GALNT13: variants seen among roughly 807,000 people sequenced by gnomAD.
GALNT13 encodes the protein polypeptide N-acetylgalactosaminyltransferase 13, also known as UDP-GalNAc:polypeptide N-acetylgalactosaminyltransferase 13.
A neutral mutation model predicts 64.2 loss-of-function variants in GALNT13; 28 were observed. The ratio of observed to expected loss-of-function variants is 0.44; its 90% confidence interval spans 0.32 to 0.60. The LOEUF is 0.60. Ranked by LOEUF, GALNT13 falls within the 20% of genes least tolerant of loss-of-function variation. The pLI is 0.05. For missense variants in GALNT13, 577 were observed against 669.8 expected, an observed-to-expected ratio of 0.86 and a Z score of 1.53; for synonymous variants, 214 against 224.6, an observed-to-expected ratio of 0.95 and a Z score of 0.42.
At chr2:154,103,126 C>T (rs1425520619) in intron 3 of GALNT13, among the ~76,000 whole-genome samples, 1 of 151,430 alleles carries the variant, frequency 6.6e-6, no homozygotes, top group African/African-American at 2.4e-5. Flanking sequence ...TCTTATTATC[C>T]CTCAGGAATG....
the GALNT13 span, among the ~76,000 whole-genome samples, chr2:153,800,778 C>T: frequency 6.6e-6 from 1 of 152,110 alleles, no homozygotes; most frequent in Non-Finnish European, 1.5e-5. Context: ...AAAGTCTACT[C>T]CTAATTCTAC....
the GALNT13 span, among the ~76,000 whole-genome samples, chr2:153,114,298 T>C: frequency 6.6e-6 from 1 of 152,144 alleles, no homozygotes; most frequent in African/African-American, 2.4e-5. Flanking sequence ...TCCCTGAGGC[T>C]GCTCTCTTTC....
chr2:154,362,310 C>T (rs1436386361), intron 9 of GALNT13, among the ~76,000 whole-genome samples: 1 of 136,102 alleles, frequency 7.3e-6, no homozygotes, highest in Non-Finnish European at 1.5e-5. Context: ...CTGGACTAGT[C>T]TTATTACTTG....
the GALNT13 span, among the ~76,000 whole-genome samples, chr2:153,623,039 A>T: frequency 1.3e-5 from 2 of 152,100 alleles, no homozygotes; most frequent in African/African-American, 4.8e-5. Context: ...CATTGAAATG[A>T]TATGGATATT....
the GALNT13 span, among the ~76,000 whole-genome samples, chr2:153,586,582 A>T: frequency 6.6e-6 from 1 of 152,160 alleles, no homozygotes; most frequent in African/African-American, 2.4e-5. Context: ...GGAATACAAT[A>T]ATATTTGGAG....
At chr2:154,427,815 T>C (rs1337367602) in intron 11 of GALNT13, among the ~76,000 whole-genome samples, 2 of 152,136 alleles carry the variant, frequency 1.3e-5, no homozygotes, top group Non-Finnish European at 2.9e-5. Context: ...AAACCTGAAA[T>C]CAATTCAGGC....
the GALNT13 span, chr2:153,478,737 G>A: frequency 4.9e-6 from 3 of 610,134 alleles, no homozygotes; most frequent in African/African-American, 1.9e-5. Context: ...GAGCCTCTCC[G>A]ACGCGCGCAG....
chr2:154,297,821 G>A (rs1269750446), intron 8 of GALNT13, among the ~76,000 whole-genome samples: 1 of 151,924 alleles, frequency 6.6e-6, no homozygotes, highest in Admixed American at 6.6e-5. Context: ...TACTTTACTT[G>A]TGTATTTATT....
chr2:154,328,942 A>G (rs11685381), intron 9 of GALNT13, among the ~76,000 whole-genome samples: 30,126 of 152,092 alleles, frequency 0.2, 3,416 homozygotes, highest in Middle Eastern at 0.37. Context: ...TCAGACCATC[A>G]ATATTTCTTC....
chr2:154,429,043 C>T (rs1191022967), intron 11 of GALNT13, among the ~76,000 whole-genome samples: 6 of 151,938 alleles, frequency 3.9e-5, no homozygotes, highest in African/African-American at 7.3e-5. Context: ...CCCTATCTCT[C>T]GCTCCACAGA....
At chr2:153,506,119 A>G in the GALNT13 span, among the ~76,000 whole-genome samples, 1 of 151,816 alleles carries the variant, frequency 6.6e-6, no homozygotes, top group Non-Finnish European at 1.5e-5. Flanking sequence ...GTCTTTTTTT[A>G]TTCCTGCTGC....
the GALNT13 span, among the ~76,000 whole-genome samples, chr2:153,630,795 ATATATATATATATTTTT>A: frequency 2.2e-3 from 31 of 13,960 alleles, no homozygotes; most frequent in Non-Finnish European, 3.4e-3. Flanking sequence ...ATATATATAT[ATATATATATATATTTTT>A]TTTTTTTTTT....
chr2:154,336,435 C>A (rs1695450174), intron 9 of GALNT13, among the ~76,000 whole-genome samples: 1 of 152,008 alleles, frequency 6.6e-6, no homozygotes, highest in Non-Finnish European at 1.5e-5. Context: ...ATTCATGAGA[C>A]CACAGGGGCC....
intron 8 of GALNT13, among the ~76,000 whole-genome samples, chr2:154,295,172 T>G (rs758918689): frequency 6.6e-6 from 1 of 152,146 alleles, no homozygotes. Flanking sequence ...TGTCAGTCAG[T>G]AGTTTATATT....
the GALNT13 span, among the ~76,000 whole-genome samples, chr2:153,824,379 T>C: frequency 1.3e-5 from 2 of 152,310 alleles, no homozygotes; most frequent in African/African-American, 4.8e-5. Flanking sequence ...ACTGTGTATA[T>C]ACCCAAACAA....
chr2:153,429,764 ATAT>A, the GALNT13 span, among the ~76,000 whole-genome samples: 1 of 152,174 alleles, frequency 6.6e-6, no homozygotes, highest in African/African-American at 2.4e-5. Context: ...CATTTATAAA[ATAT>A]TATACATTTG....
At chr2:154,139,031 TCTAA>T (rs1385097573) in intron 3 of GALNT13, among the ~76,000 whole-genome samples, 2 of 152,152 alleles carry the variant, frequency 1.3e-5, no homozygotes, top group South Asian at 2.1e-4. Context: ...TGTTTCCAGT[TCTAA>T]CTATTTTTAT....
intron 4 of GALNT13, among the ~76,000 whole-genome samples, chr2:154,238,952 C>T (rs1689337528): frequency 6.6e-6 from 1 of 151,876 alleles, no homozygotes; most frequent in South Asian, 2.1e-4. Context: ...GTTATTCATC[C>T]CCCATAACTG....
the GALNT13 span, among the ~76,000 whole-genome samples, chr2:153,130,647 A>G: frequency 6.6e-6 from 1 of 152,218 alleles, no homozygotes; most frequent in Non-Finnish European, 1.5e-5. Flanking sequence ...GCGCTGGCTG[A>G]TGCTCTCTCT....
Sources: allele counts gnomAD v4.1 joint callset (sites outside exome capture counted in the v4.1 genomes callset), GRCh38; gene constraint gnomAD v4.1.1; transcripts MANE v1.5; gene names NCBI Gene and HGNC (gene_info 2026-07-23, HGNC 2026-07-21).